CD180: variants seen among roughly 807,000 people sequenced by gnomAD.
CD180 encodes CD180 antigen.
Under a neutral mutation model 10.7 loss-of-function variants are expected in CD180, and 11 were observed. The observed-to-expected ratio is 1.03, with a 90% CI of 0.65 to 1.70. CD180 has a LOEUF of 1.70. CD180 is among the 40% of genes most tolerant of loss of function. The pLI is 0.00. For missense variants in CD180, 729 were observed against 775.2 expected (o/e 0.94, Z 0.71); for synonymous variants, 286 against 294.6 (o/e 0.97, Z 0.30).
chr5:67,193,537 A>G (rs1742347049), intron 1 of CD180, among the ~76,000 whole-genome samples: 1 of 152,286 alleles, frequency 6.6e-6, no homozygotes, highest in East Asian at 1.9e-4. Flanking sequence ...TTGAGAACTC[A>G]CTCACACGTG....
rs1742086499 is a variant in CD180 at position 67,183,020 on chromosome 5, G to T, written c.1823C>A (p.Ala608Glu). 1 of 1,614,212 alleles carries T rather than the reference G, an allele frequency of 6.2e-7. No individual in the cohort carries two copies. Among genetic ancestry groups the T allele is most frequent in the Non-Finnish European group, 8.5e-7 (1 of 1,180,030 alleles). The change falls in exon 3 of 3, where the codon GCA becomes GAA. Residue 608 changes from alanine (A) to glutamate (E), a missense_variant. By Grantham distance (107) the Ala-to-Glu change is moderately radical (BLOSUM62 -1). Coordinates refer to ENST00000256447, the MANE Select transcript of CD180 (RefSeq NM_005582.3). ...AACTCCCCTTAGAGATGGCGGGTTT[G>T]CACACGTGGTCTCCTCCGAGCCTTC... The part of the protein sequence containing the change: ...KLEGSEETTC[A>E]NPPSLRGVKL...
rs748221297 is a variant in CD180 at position 67,183,161 on chromosome 5, C to T, written c.1682G>A (p.Arg561His). The change falls in exon 3 of 3, where the codon CGT (arginine) becomes CAT (histidine). Residue 561 changes from arginine to histidine, a missense_variant. Coordinates refer to ENST00000256447, the MANE Select transcript of CD180 (RefSeq NM_005582.3). ...CTGCTGGGACAAGATAGGGAGGAGA[C>T]GGGGTGAGATGATGTTAATGCTGTT... ...AANSINIISP[R>H]LLPILSQQST... The T allele has an allele frequency of 1.4e-5, 22 of 1,610,492 alleles. No individual in the cohort carries two copies. The highest frequency in any genetic ancestry group is 1.6e-4 in the Middle Eastern group (1 of 6,074).
At chr5:67,190,841 A>G in intron 1 of CD180, 14 of 633,518 alleles carry the variant, frequency 2.2e-5, no homozygotes, top group East Asian at 1.4e-4. Flanking sequence ...TGTATATCTA[A>G]CTCCCTCTCA....
chr5:67,188,085 G>T (rs979441875), intron 1 of CD180, among the ~76,000 whole-genome samples: 3 of 151,818 alleles, frequency 2.0e-5, no homozygotes, highest in Non-Finnish European at 4.4e-5. Flanking sequence ...CAGGAGAATC[G>T]CTTGAACCAG....
chr5:67,191,756 G>A (rs763395862), intron 1 of CD180, among the ~76,000 whole-genome samples: 2 of 152,092 alleles, frequency 1.3e-5, no homozygotes, highest in African/African-American at 2.4e-5. Context: ...GAGAGAGAGA[G>A]ACAGAGAGAG....
At chr5:67,195,677 G>A (rs1245224936) in intron 1 of CD180, among the ~76,000 whole-genome samples, 2 of 152,222 alleles carry the variant, frequency 1.3e-5, no homozygotes, top group Non-Finnish European at 2.9e-5. Context: ...TTACCCCAGT[G>A]CTGGCTTTGC....
chr5:67,195,042 A>G (rs1052258634), intron 1 of CD180, among the ~76,000 whole-genome samples: 57 of 152,314 alleles, frequency 3.7e-4, no homozygotes, highest in African/African-American at 1.3e-3. Flanking sequence ...GGACACAGAG[A>G]GAAGATGGCC....
chr5:67,193,097 C>G (rs1423563515), intron 1 of CD180, among the ~76,000 whole-genome samples: 3 of 152,318 alleles, frequency 2.0e-5, no homozygotes, highest in South Asian at 2.1e-4. Flanking sequence ...ATGCACCTTC[C>G]AAAGGCTACG....
intron 1 of CD180, among the ~76,000 whole-genome samples, chr5:67,193,966 G>C (rs1363939499): frequency 6.6e-6 from 1 of 152,226 alleles, no homozygotes; most frequent in East Asian, 1.9e-4. Flanking sequence ...TCACTGGGGG[G>C]ATGGTGCCCT....
chr5:67,181,723 AT>A lies in CD180; in HGVS notation c.*1133del, dbSNP rs1160575729. 1 of 152,244 alleles carries A rather than the reference AT, an allele frequency of 6.6e-6. No individual in the cohort carries two copies. The highest frequency in any genetic ancestry group is 2.4e-5 in the African/African-American group (1 of 41,444). The allele number at this position is 152,244 out of a possible 1,614,324, so 9.4% of individuals were successfully genotyped here. On this transcript the variant is annotated 3_prime_UTR_variant, in exon 3 of 3. Transcript: ENST00000256447. Reference sequence around the variant, plus strand: ...TCAGAAGATACAGGCCTGTGTGAGTATGGCCCTTTAAGCCTAAGTCATGACA... The same window carrying A: ...TCAGAAGATACAGGCCTGTGTGAGTAGGCCCTTTAAGCCTAAGTCATGACA...
At position 67,184,532 on chromosome 5, in the gene CD180, C is replaced by T; in HGVS notation, c.311G>A (p.Ser104Asn). The change falls in exon 3 of 3, where the codon AGC (serine) becomes AAC (asparagine). Residue 104 changes from serine to asparagine, a missense_variant. By Grantham distance (46) the Ser-to-Asn change is conservative. Transcript: ENST00000256447. ...GGGATTTCCAGTTAACACAAGTGTG[C>T]TTAATTGATGATGGCTTTGAAAAGT... ...EDTFQSHHQLSTLVLTGNPLI... is the reference protein window; with the variant it reads ...EDTFQSHHQLNTLVLTGNPLI... The T allele has an allele frequency of 6.2e-7, 1 of 1,608,772 alleles. No homozygotes were observed. Among genetic ancestry groups the T allele is most frequent in the Non-Finnish European group, 8.5e-7 (1 of 1,175,376 alleles).
chr5:67,180,553 A>G lies in CD180; in HGVS notation c.*2304T>C, dbSNP rs1742022723. The G allele has an allele frequency of 6.6e-6, 1 of 152,160 alleles. No homozygotes were observed. Among genetic ancestry groups the G allele is most frequent in the Admixed American group, 6.5e-5 (1 of 15,272 alleles). The allele number at this position is 152,160 out of a possible 1,614,324, so 9.4% of individuals were successfully genotyped here. A position where few individuals can be genotyped will look rare whatever the true frequency, so the allele number is the denominator to read the frequency against. On this transcript the variant is annotated 3_prime_UTR_variant, in exon 3 of 3. Transcript: ENST00000256447. ...ATCTGGGGGTGAGGCCTGGGAATCC[A>G]TTTTGTAAAAACTTCCCTAGGAGAT... is the stretch of plus-strand genomic sequence containing the variant.
chr5:67,186,071 T>G, intron 1 of CD180, 54 bp from the exon 2 acceptor site: 12 of 1,154,730 alleles, frequency 1.0e-5, no homozygotes, highest in Non-Finnish European at 1.4e-5. Flanking sequence ...TTATAGACTA[T>G]CTAGCAAAAT....
rs1279399068 is a variant in CD180, at chr5:67,185,323, ACACACG to A, written c.257+522_257+527del. Among the ~76,000 whole-genome samples, 900 of 150,554 alleles carry A rather than the reference ACACACG, an allele frequency of 6.0e-3. 6 individuals are homozygous for A. Among genetic ancestry groups the A allele is most frequent in the African/African-American group, 0.016 (660 of 40,678 alleles). On this transcript the variant is annotated intron_variant, in intron 2 of 2. Transcript: ENST00000256447. ...CACACACACACACACACACACACAC[ACACACG>A]CAGTATAGCCCTTTCATTTTCTTCC... is the stretch of plus-strand genomic sequence containing the variant.
chr5:67,195,587 G>A (rs1742385621), intron 1 of CD180, among the ~76,000 whole-genome samples: 1 of 152,188 alleles, frequency 6.6e-6, no homozygotes, highest in Non-Finnish European at 1.5e-5. Context: ...TTTCTCATTG[G>A]CATGATGCCT....
At position 67,182,939 on chromosome 5, in the gene CD180, A is replaced by G. The variant is rs1300166400; in HGVS notation, c.1904T>C (p.Leu635Pro). The G allele has an allele frequency of 6.2e-7, 1 of 1,613,990 alleles. No individual in the cohort carries two copies. Among genetic ancestry groups the G allele is most frequent in the Non-Finnish European group, 8.5e-7 (1 of 1,179,952 alleles). Residue 635 changes from leucine (L) to proline (P), a missense_variant, in exon 3 of 3, where the codon CTC (leucine) becomes CCC (proline). Leu to Pro is a moderately conservative substitution (Grantham distance 98). Coordinates refer to ENST00000256447, the MANE Select transcript of CD180 (RefSeq NM_005582.3). ...AGCCAACAATAATAGAAATACTATGAGAAAGAAAATGCCTATGGCTGTAAT... is the reference window on the plus strand; with the variant it reads ...AGCCAACAATAATAGAAATACTATGGGAAAGAAAATGCCTATGGCTGTAAT... ...CGITAIGIFFLIVFLLLLAIL... is the reference protein window; with the variant it reads ...CGITAIGIFFPIVFLLLLAIL...
chr5:67,186,876 A>T (rs7709279), intron 1 of CD180, among the ~76,000 whole-genome samples: 1 of 126,032 alleles, frequency 7.9e-6, no homozygotes, highest in Non-Finnish European at 1.8e-5. Flanking sequence ...GTGTGTGTGA[A>T]AGAGAGAGAG....
chr5:67,185,719 G>T, intron 2 of CD180, 132 bp downstream of exon 2: 1 of 520,060 alleles, frequency 1.9e-6, no homozygotes, highest in African/African-American at 2.0e-5. Context: ...AGTATTTCAT[G>T]GGGAGGCATA....
In CD180 at chr5:67,184,267, G is replaced by GT. The variant is rs771099245; in HGVS notation, c.575dup (p.Asp192GlufsTer19). 2 of 1,613,950 alleles carry GT rather than the reference G, an allele frequency of 1.2e-6. No homozygotes were observed. The highest frequency in any genetic ancestry group is 2.2e-5 in the South Asian group (2 of 91,080). ...TGATGGCCTGCTCCAGAGACCTCAT[G>GT]TCTTCTCTAGAGATGTAGTGTATAG... On this transcript the variant is annotated frameshift_variant, in exon 3 of 3. Coordinates refer to ENST00000256447, the MANE Select transcript of CD180 (RefSeq NM_005582.3). LOFTEE classifies it low-confidence loss of function (END_TRUNC).
Sources: gnomAD v4.1 joint callset for allele counts (sites outside exome capture counted in the v4.1 genomes callset) on GRCh38, gnomAD v4.1.1 for gene constraint, MANE v1.5 for transcripts, NCBI Gene and HGNC (gene_info 2026-07-23, HGNC 2026-07-21) for gene names.